Variants in DYSF observed in about 807,000 individuals in gnomAD.
The protein encoded by DYSF is dysferlin, also known as dystrophy-associated fer-1-like 1.
In DYSF, 212 loss-of-function variants were observed where a neutral mutation model predicts 274.9. The ratio of observed to expected loss-of-function variants is 0.77; its 90% CI spans 0.69 to 0.86. The LOEUF (loss-of-function observed/expected upper bound fraction) is 0.86, where lower values mean the gene tolerates loss of function less well. DYSF is among the 40% of genes least tolerant of loss of function. The pLI is 0.00. For synonymous variants in DYSF, 1,091 were observed against 1,078.7 expected (o/e 1.01, Z -0.22); for missense variants, 2,666 against 2,783.2 (o/e 0.96, Z 0.95).
chr2:71,586,886 G>A (rs1336585052), intron 30 of DYSF, among the ~76,000 whole-genome samples: 1 of 152,138 alleles, frequency 6.6e-6, no homozygotes, highest in African/African-American at 2.4e-5. Context: ...GCCGGACTGA[G>A]GTAGACGGAC....
rs1393666106 is a variant in DYSF at position 71,669,858 on chromosome 2, C to T, written c.5784+112C>T. The stretch of plus-strand genomic sequence containing the variant: ...TGTCACAATCTCACTGCTGCCCCAC[C>T]ATGTTGGAGCTACCACTGCCATCTC... On this transcript the variant is annotated intron_variant, in intron 51 of 55. Coordinates refer to ENST00000410020, the MANE Select transcript of DYSF (RefSeq NM_001130987.2). 2.1e-6 allele frequency: 3 copies of T among 1,438,628 alleles called. No individual in the cohort carries two copies. The East Asian group carries it at 6.8e-5, about 33-fold the overall frequency. 89.1% of individuals were successfully genotyped at this position (1,438,628 alleles called of 1,614,324 possible). A position where few individuals can be genotyped will look rare whatever the true frequency, so the allele number is the denominator to read the frequency against.
chr2:71,623,810 C>A (rs2094154413), intron 41 of DYSF, among the ~76,000 whole-genome samples: 1 of 152,132 alleles, frequency 6.6e-6, no homozygotes, highest in South Asian at 2.1e-4. Flanking sequence ...GTGGCTCTTG[C>A]CTGTAATCCA....
At chr2:71,473,819 T>A (rs553223734) in intron 1 of DYSF, among the ~76,000 whole-genome samples, 1 of 152,272 alleles carries the variant, frequency 6.6e-6, no homozygotes, top group Admixed American at 6.5e-5. Flanking sequence ...TCTCCAGAAC[T>A]TGTCATCCTC....
chr2:71,595,158 G>T (rs545069709), intron 32 of DYSF, among the ~76,000 whole-genome samples: 1 of 152,118 alleles, frequency 6.6e-6, no homozygotes, highest in Non-Finnish European at 1.5e-5. Flanking sequence ...TTTTCTGAAG[G>T]GTTGCTGAAT....
At chr2:71,543,195 G>A (rs2090106895) in intron 17 of DYSF, among the ~76,000 whole-genome samples, 2 of 141,234 alleles carry the variant, frequency 1.4e-5, no homozygotes, top group South Asian at 2.3e-4. Context: ...GGAGTGGCCC[G>A]TTAGAGACGC....
In DYSF at chr2:71,664,358, C is replaced by A. The variant is rs149087116; in HGVS notation, c.5094C>A (p.Ile1698=). Residue 1698 remains isoleucine (I), a synonymous_variant, in exon 46 of 56, where the codon ATC becomes ATA. Coordinates refer to ENST00000410020, the MANE Select transcript of DYSF (RefSeq NM_001130987.2). ...ACCTCCTCTCCAAGGACGAAAAGAT[C>A]GGTGAGACGGTCGTCGACCTGGAGA... The part of the protein sequence containing the change: ...DYDLLSKDEK[I]GETVVDLENR... The A allele has an allele frequency of 2.5e-6, 4 of 1,614,172 alleles. No homozygotes were observed. Among genetic ancestry groups the A allele is most frequent in the South Asian group, 2.2e-5 (2 of 91,070 alleles).
In DYSF at chr2:71,592,102, G is replaced by A. The variant is rs181549043; in HGVS notation, c.3574+1814G>A. ...TTCCTCTCCCTTCCCGGAAGGGCGT[G>A]AGAGGTGAGGGTGCCGGGAGCGGGT... On this transcript the variant is annotated intron_variant, in intron 32 of 55. Transcript: ENST00000410020. 2.3e-3 allele frequency among the ~76,000 whole-genome samples: 352 copies of A among 152,356 alleles called. 8 individuals are homozygous for A. The highest frequency in any genetic ancestry group is 5.9e-4 in the Non-Finnish European group (40 of 68,028).
chr2:71,509,114 C>A (rs754245636), intron 4 of DYSF, among the ~76,000 whole-genome samples: 1 of 152,184 alleles, frequency 6.6e-6, no homozygotes, highest in Non-Finnish European at 1.5e-5. Context: ...CCTCGGCCTC[C>A]CAAAGTGCTG....
intron 3 of DYSF, among the ~76,000 whole-genome samples, chr2:71,501,274 G>A (rs2084941751): frequency 6.6e-6 from 1 of 152,134 alleles, no homozygotes; most frequent in Admixed American, 6.5e-5. Context: ...TGGACCTTGA[G>A]CGTATATTAC....
rs1473130799 is a variant in DYSF, at chr2:71,549,392, G to A, written c.1577-1649G>A. On this transcript the variant is annotated intron_variant, in intron 17 of 55. Transcript: ENST00000410020. Reference sequence around the variant, plus strand: ...GTCAAGCCTTCGAAAGCCTCAGACTGTACGTTGCTGTCACCTTGGGGACAA... The same window carrying A: ...GTCAAGCCTTCGAAAGCCTCAGACTATACGTTGCTGTCACCTTGGGGACAA... 2 of 1,611,750 alleles carry A rather than the reference G, an allele frequency of 1.2e-6. No individual in the cohort carries two copies. Among genetic ancestry groups the A allele is most frequent in the East Asian group, 2.2e-5 (1 of 44,860 alleles).
chr2:71,472,776 T>G (rs913014160), intron 1 of DYSF, among the ~76,000 whole-genome samples: 1 of 152,278 alleles, frequency 6.6e-6, no homozygotes, highest in Non-Finnish European at 1.5e-5. Context: ...TTATTCTTAC[T>G]GAATTACTTT....
intron 3 of DYSF, among the ~76,000 whole-genome samples, chr2:71,488,935 T>A (rs1055158629): frequency 1.3e-5 from 2 of 151,642 alleles, no homozygotes; most frequent in Non-Finnish European, 2.9e-5. Flanking sequence ...AGAACTTTCC[T>A]GAGCCCCAAT....
rs1407145191 is a variant in DYSF, at chr2:71,513,344, G to A, written c.553+12G>A. 6.4e-7 allele frequency: 1 copy of A among 1,551,312 alleles called. No individual in the cohort carries two copies. The highest frequency in any genetic ancestry group is 1.4e-5 in the African/African-American group (1 of 73,156). On this transcript the variant is annotated intron_variant, in intron 6 of 55. Coordinates refer to ENST00000410020, the MANE Select transcript of DYSF (RefSeq NM_001130987.2). Reference sequence around the variant, plus strand: ...GCCGGCCCCCACGGGTGAGACACGGGCCAGGACTGTCCTGATCCCAGACCC... The same window carrying A: ...GCCGGCCCCCACGGGTGAGACACGGACCAGGACTGTCCTGATCCCAGACCC...
At chr2:71,464,111 G>GT (rs2081399097), upstream of DYSF, among the ~76,000 whole-genome samples, 1 of 152,180 alleles carries the variant, frequency 6.6e-6, no homozygotes, top group African/African-American at 2.4e-5. Context: ...CTTGGGAGCT[G>GT]TAGATGTGGT....
upstream of DYSF, among the ~76,000 whole-genome samples, chr2:71,466,073 G>A (rs542914066): frequency 6.6e-6 from 1 of 152,252 alleles, no homozygotes; most frequent in East Asian, 1.9e-4. Flanking sequence ...AGGGTTGGTG[G>A]GGACTCGAAC....
chr2:71,467,251 T>A (rs1192630325), intron 1 of DYSF, among the ~76,000 whole-genome samples: 1 of 152,054 alleles, frequency 6.6e-6, no homozygotes, highest in Admixed American at 6.5e-5. Flanking sequence ...TAAGGGTAAG[T>A]TGGAAGATGG....
Position 71,682,639 on chromosome 2 carries a change from C to T in DYSF, c.6283C>T (p.Leu2095=), listed in dbSNP as rs201725164. Reference sequence around the variant, plus strand: ...CATCCTCTTCATCATCCTCTTCATCCTGCTGCTGTTCCTGGCCATCTTCAT... The same window carrying T: ...CATCCTCTTCATCATCCTCTTCATCTTGCTGCTGTTCCTGGCCATCTTCAT... ...AIILFIILFI[L]LLFLAIFIYA... The change falls in exon 55 of 56, where the codon CTG becomes TTG. Residue 2095 remains leucine, a synonymous_variant. Coordinates refer to ENST00000410020, the MANE Select transcript of DYSF (RefSeq NM_001130987.2). 3.1e-6 allele frequency: 5 copies of T among 1,614,170 alleles called. No individual in the cohort carries two copies. The highest frequency in any genetic ancestry group is 1.7e-5 in the Admixed American group (1 of 60,034).
At chr2:71,595,550 AG>A in intron 32 of DYSF, among the ~76,000 whole-genome samples, 1 of 152,330 alleles carries the variant, frequency 6.6e-6, no homozygotes, top group East Asian at 1.9e-4. Context: ...TGAACGCAGA[AG>A]GTCCTCCCCG....
At chr2:71,672,820 G>A (rs753781776) in intron 51 of DYSF, among the ~76,000 whole-genome samples, 7 of 152,244 alleles carry the variant, frequency 4.6e-5, no homozygotes, top group African/African-American at 7.2e-5. Context: ...AAGGGCTGGG[G>A]CCCGGAAAAG....
Sources: gnomAD v4.1 joint callset for allele counts (sites outside exome capture counted in the v4.1 genomes callset) on GRCh38, gnomAD v4.1.1 for gene constraint, MANE v1.5 for transcripts, NCBI Gene and HGNC (gene_info 2026-07-23, HGNC 2026-07-21) for gene names.